Variants in HUNK observed in about 807,000 individuals in gnomAD.
HUNK encodes the protein hormonally up-regulated Neu-associated kinase, also known as hormonally up-regulated neu tumor-associated kinase.
HUNK carries 21 observed loss-of-function variants against 61.0 expected under a neutral mutation model. The observed-to-expected ratio is 0.34, with a 90% confidence interval of 0.24 to 0.50. The LOEUF (loss-of-function observed/expected upper bound fraction) is 0.50. Ranked by LOEUF, HUNK falls within the 20% of genes least tolerant of loss-of-function variation. The pLI is 0.98. For missense variants in HUNK, 772 were observed against 945.7 expected, an observed-to-expected ratio of 0.82 and a Z score of 2.41; for synonymous variants, 371 against 386.1, an observed-to-expected ratio of 0.96 and a Z score of 0.46.
intron 1 of HUNK, among the ~76,000 whole-genome samples, chr21:31,885,127 T>C (rs763640185): frequency 2.0e-5 from 3 of 152,112 alleles, no homozygotes; most frequent in Non-Finnish European, 2.9e-5. Flanking sequence ...TATGGTACTA[T>C]GTTACACCAG....
At chr21:31,902,966 G>A (rs2052479165) in intron 1 of HUNK, among the ~76,000 whole-genome samples, 1 of 151,732 alleles carries the variant, frequency 6.6e-6, no homozygotes, top group Admixed American at 6.6e-5. Context: ...ATCCACTTTT[G>A]AAAATGTGAT....
chr21:31,964,055 T>C (rs967564080), intron 5 of HUNK, among the ~76,000 whole-genome samples: 1 of 152,220 alleles, frequency 6.6e-6, no homozygotes, highest in African/African-American at 2.4e-5. Context: ...GAGTAGCGAA[T>C]GCCTTTTATG....
At chr21:31,931,428 G>A (rs1284611085) in intron 2 of HUNK, among the ~76,000 whole-genome samples, 2 of 152,100 alleles carry the variant, frequency 1.3e-5, no homozygotes, top group Non-Finnish European at 2.9e-5. Context: ...CTCGTAAATG[G>A]AGTGGCCCGC....
rs184327077 is a variant in HUNK, at chr21:31,912,692, C to A, written c.262-11776C>A. ...AAGGAGCTGGGAACACAGGCCTGCA[C>A]CACCACAGCTGGCTAAGTTTTTGTA... On this transcript the variant is annotated intron_variant, in intron 1 of 10. Transcript: ENST00000270112. Among the ~76,000 whole-genome samples the A allele has an allele frequency of 2.0e-4, 30 of 152,210 alleles. No homozygotes were observed. The East Asian group carries it at 4.7e-3, about 24-fold the overall frequency.
intron 2 of HUNK, among the ~76,000 whole-genome samples, chr21:31,927,872 AC>A (rs1568927419): frequency 6.6e-6 from 1 of 152,182 alleles, no homozygotes; most frequent in Non-Finnish European, 1.5e-5. Context: ...TTTCCGCCTC[AC>A]CAAGGTGAGA....
intron 4 of HUNK, among the ~76,000 whole-genome samples, chr21:31,949,311 T>G (rs1382761632): frequency 6.6e-6 from 1 of 152,150 alleles, no homozygotes; most frequent in African/African-American, 2.4e-5. Flanking sequence ...AGTCATAGAC[T>G]TCACTTCTGA....
intron 1 of HUNK, among the ~76,000 whole-genome samples, chr21:31,882,250 A>G (rs987617928): frequency 6.6e-6 from 1 of 152,222 alleles, no homozygotes; most frequent in African/African-American, 2.4e-5. Flanking sequence ...TAGCTATGCA[A>G]CTTCTAATCA....
chr21:31,900,563 T>G (rs2052459096), intron 1 of HUNK, among the ~76,000 whole-genome samples: 1 of 152,074 alleles, frequency 6.6e-6, no homozygotes, highest in Non-Finnish European at 1.5e-5. Flanking sequence ...ATGTGGAAGC[T>G]CTGGCTACAA....
intron 8 of HUNK, among the ~76,000 whole-genome samples, chr21:31,984,978 C>T (rs141992867): frequency 0.014 from 2,192 of 152,250 alleles, 46 homozygotes; most frequent in African/African-American, 0.051. Flanking sequence ...AGCAAAGTCA[C>T]GTCTTACATG....
chr21:31,918,544 G>T (rs184525684), intron 1 of HUNK, among the ~76,000 whole-genome samples: 2 of 152,304 alleles, frequency 1.3e-5, no homozygotes, highest in East Asian at 3.9e-4. Context: ...TGTCAGTAGG[G>T]CCACGCTTCC....
At chr21:31,982,947 G>A (rs1377694338) in intron 7 of HUNK, among the ~76,000 whole-genome samples, 2 of 152,112 alleles carry the variant, frequency 1.3e-5, no homozygotes, top group Non-Finnish European at 2.9e-5. Context: ...GGGACTACAG[G>A]CGTGTGCCAC....
intron 1 of HUNK, among the ~76,000 whole-genome samples, chr21:31,899,905 G>A (rs1013760884): frequency 2.6e-5 from 4 of 151,864 alleles, no homozygotes; most frequent in South Asian, 4.2e-4. Context: ...AGCCTCCCAC[G>A]TAGCTGGGAT....
intron 9 of HUNK, among the ~76,000 whole-genome samples, chr21:31,994,632 T>A (rs901559722): frequency 6.6e-6 from 1 of 152,226 alleles, no homozygotes; most frequent in Non-Finnish European, 1.5e-5. Context: ...GAACTGCTGC[T>A]GCTTCTTAGT....
At position 31,952,990 on chromosome 21, in the gene HUNK, A is replaced by G. The variant is rs1373253407; in HGVS notation, c.747-5853A>G. 3.9e-5 allele frequency among the ~76,000 whole-genome samples: 6 copies of G among 152,272 alleles called. No individual in the cohort carries two copies. The East Asian group carries it at 7.8e-4, about 20-fold the overall frequency. On this transcript the variant is annotated intron_variant, in intron 4 of 10. Transcript: ENST00000270112. Reference sequence around the variant, plus strand: ...CCCTGGGCCATATTTCAAAAGACCCATCAGGAAATTCTGAACATGTTTTGA... The same window carrying G: ...CCCTGGGCCATATTTCAAAAGACCCGTCAGGAAATTCTGAACATGTTTTGA...
chr21:31,922,788 T>G (rs1310651808), intron 1 of HUNK, among the ~76,000 whole-genome samples: 4 of 152,266 alleles, frequency 2.6e-5, no homozygotes, highest in Non-Finnish European at 5.9e-5. Context: ...TTTATTTACT[T>G]ATTATTTATT....
At chr21:31,896,008 T>C (rs145745734) in intron 1 of HUNK, among the ~76,000 whole-genome samples, 2,304 of 152,284 alleles carry the variant, frequency 0.015, 29 homozygotes, top group South Asian at 0.03. Flanking sequence ...GTAGCTGGTA[T>C]GCCTAGAAGA....
rs71193166 is a variant in HUNK, at chr21:31,979,515, C to CTT, written c.1174-3984_1174-3983dup. 4.8e-3 allele frequency among the ~76,000 whole-genome samples: 165 copies of CTT among 34,356 alleles called. 16 individuals are homozygous for CTT. Among genetic ancestry groups the CTT allele is most frequent in the African/African-American group, 0.016 (138 of 8,546 alleles). 22.5% of individuals were successfully genotyped at this position (34,356 alleles called of 152,430 possible). A position where few individuals can be genotyped will look rare whatever the true frequency, so the allele number is the denominator to read the frequency against. On this transcript the variant is annotated intron_variant, in intron 7 of 10. Coordinates refer to ENST00000270112, the MANE Select transcript of HUNK (RefSeq NM_014586.2). ...TTCTGGCTATTGAGTTGTTTGCATT[C>CTT]TTTTTTTTTTTTTTTTTTTTTTTTT...
chr21:31,881,955 T>G (rs2052311347), intron 1 of HUNK, among the ~76,000 whole-genome samples: 1 of 152,154 alleles, frequency 6.6e-6, no homozygotes, highest in Non-Finnish European at 1.5e-5. Flanking sequence ...TCACTTTATA[T>G]GTATGCTCTA....
chr21:31,956,529 G>C lies in HUNK; in HGVS notation c.747-2314G>C, dbSNP rs2833580. Among the ~76,000 whole-genome samples the C allele has an allele frequency of 5.8e-3, 890 of 152,202 alleles. 11 individuals carry two copies. Among genetic ancestry groups the C allele is most frequent in the African/African-American group, 0.02 (842 of 41,498 alleles). ...TCAAACATACTCAAAGTGCAGCATC[G>C]CATAGTACGTTCTCAAATATATCAC... On this transcript the variant is annotated intron_variant, in intron 4 of 10. Transcript: ENST00000270112.
Sources: allele counts gnomAD v4.1 joint callset (sites outside exome capture counted in the v4.1 genomes callset), GRCh38; gene constraint gnomAD v4.1.1; transcripts MANE v1.5; gene names NCBI Gene and HGNC (gene_info 2026-07-23, HGNC 2026-07-21).